Variants in DIRAS3 observed in about 807,000 individuals in gnomAD.
DIRAS3 encodes GTP-binding protein Di-Ras3.
For missense variants in DIRAS3, 248 were observed against 300.6 expected (o/e 0.83, Z 1.29); for synonymous variants, 133 against 131.4 (o/e 1.01, Z -0.08).
chr1:68,046,796 T>C lies in DIRAS3; in HGVS notation c.502A>G (p.Thr168Ala). ...GCGCAATTCCACTCCATCGCACAGG[T>C]GGCACCATCATTCAGGGCCACCTCC... ...HREVALNDGATCAMEWNCAFM... is the reference protein window; with the variant it reads ...HREVALNDGAACAMEWNCAFM... The change falls in exon 2 of 2, where the codon ACC becomes GCC. Residue 168 changes from threonine to alanine, a missense_variant. By Grantham distance (58) the Thr-to-Ala change is moderately conservative. Coordinates refer to ENST00000646789, the MANE Select transcript of DIRAS3 (RefSeq NM_004675.5). The C allele has an allele frequency of 1.2e-6, 2 of 1,614,172 alleles. No individual in the cohort carries two copies. The highest frequency in any genetic ancestry group is 8.5e-7 in the Non-Finnish European group (1 of 1,180,028).
intron 1 of DIRAS3, among the ~76,000 whole-genome samples, chr1:68,048,019 TAAAAAAAAAAAAAAA>T (rs869307311): frequency 1.8e-4 from 2 of 10,934 alleles, no homozygotes; most frequent in South Asian, 9.4e-3. Flanking sequence ...GACAGTGGAG[TAAAAAAAAAAAAAAA>T]AAAAAAAAAA....
Position 68,047,202 on chromosome 1 carries a change from G to A in DIRAS3, c.96C>T (p.His32=), listed in dbSNP as rs748418990. ...ALLILRAFKP[H]RKIRDYRVVV... ...CGACGCGGTAATCTCTGATCTTCCT[G>A]TGGGGCTTGAAGGCGCGGAGGATAA... Residue 32 remains histidine (H), a synonymous_variant, in exon 2 of 2, where the codon CAC becomes CAT. Transcript: ENST00000646789. 6.8e-6 allele frequency: 11 copies of A among 1,614,048 alleles called. No homozygotes were observed. In the South Asian group the frequency reaches 1.2e-4, roughly 18 times the overall value.
At chr1:68,049,822 A>G (rs1645714492) in intron 1 of DIRAS3, 1 of 152,198 alleles carries the variant, frequency 6.6e-6, no homozygotes, top group Admixed American at 6.5e-5. Flanking sequence ...TAAGCACAGG[A>G]GTTCAAGACT....
At position 68,047,409 on chromosome 1, in the gene DIRAS3, T is replaced by C. The variant is rs1645684950; in HGVS notation, c.-65-47A>G. The stretch of plus-strand genomic sequence containing the variant: ...GAGAGATGGTAGTGGTAACCTACAA[T>C]GTTGTCAGATCATGTCAGCCTGGCC... On this transcript the variant is annotated intron_variant, in intron 1 of 1. Transcript: ENST00000646789. The C allele has an allele frequency of 1.5e-5, 15 of 980,692 alleles. No homozygotes were observed. In the South Asian group the frequency reaches 2.5e-4, roughly 16 times the overall value. The allele number at this position is 980,692 out of a possible 1,614,324, so 60.7% of individuals were successfully genotyped here.
intron 1 of DIRAS3, among the ~76,000 whole-genome samples, chr1:68,048,036 AAAAAAAAAAAAAAATATATATATAT>A (rs1325518269): frequency 1.6e-5 from 1 of 63,864 alleles, no homozygotes; most frequent in African/African-American, 7.1e-5. Context: ...AAAAAAAAAA[AAAAAAAAAAAAAAATATATATATAT>A]ATATATATAT....
rs776535342 is a variant in DIRAS3 at position 68,047,075 on chromosome 1, A to G, written c.223T>C (p.Cys75Arg). 1 of 1,614,180 alleles carries G rather than the reference A, an allele frequency of 6.2e-7. No individual in the cohort carries two copies. Among genetic ancestry groups the G allele is most frequent in the Non-Finnish European group, 8.5e-7 (1 of 1,180,032 alleles). ...CCGTGGCTGCAGCCCAGCAACTGGC[A>G]GTAGGTATTTTCAATGGTCGGCAGG... is the stretch of plus-strand genomic sequence containing the variant. Reference protein sequence around the residue: ...EYLPTIENTYCQLLGCSHGVL... With the variant: ...EYLPTIENTYRQLLGCSHGVL... The change falls in exon 2 of 2, where the codon TGC becomes CGC. Residue 75 changes from cysteine (C) to arginine (R), a missense_variant. Physicochemically the swap from Cys to Arg is radical, Grantham distance 180. Transcript: ENST00000646789.
Position 68,047,082 on chromosome 1 carries a change from A to G in DIRAS3, c.216T>C (p.Asn72=). ...FRHEYLPTIE[N]TYCQLLGCSH... is the part of the protein sequence containing the mutation. ...TGCAGCCCAGCAACTGGCAGTAGGT[A>G]TTTTCAATGGTCGGCAGGTACTCAT... Residue 72 remains asparagine (N), a synonymous_variant, in exon 2 of 2, where the codon AAT becomes AAC. Coordinates refer to ENST00000646789, the MANE Select transcript of DIRAS3 (RefSeq NM_004675.5). 6.2e-7 allele frequency: 1 copy of G among 1,614,076 alleles called. No individual in the cohort carries two copies. Among genetic ancestry groups the G allele is most frequent in the South Asian group, 1.1e-5 (1 of 91,082 alleles).
intron 1 of DIRAS3, among the ~76,000 whole-genome samples, chr1:68,048,685 A>G (rs1645702785): frequency 6.6e-6 from 1 of 151,762 alleles, no homozygotes; most frequent in Non-Finnish European, 1.5e-5. Flanking sequence ...TAGAATGTGC[A>G]AGTCCCATGA....
Position 68,047,354 on chromosome 1 carries a change from A to T in DIRAS3, c.-57T>A. On this transcript the variant is annotated 5_prime_UTR_variant, in exon 2 of 2. Transcript: ENST00000646789. ...AGTTCTCCCACACTTAGCTGGCAGC[A>T]GGAGACCCCTAGGAAGAAAGTGAGA... The T allele has an allele frequency of 6.6e-7, 1 of 1,511,558 alleles. No individual in the cohort carries two copies. 93.6% of individuals were successfully genotyped at this position (1,511,558 alleles called of 1,614,324 possible). A position where few individuals can be genotyped will look rare whatever the true frequency, so the allele number is the denominator to read the frequency against.
At chr1:68,047,458 G>T in intron 1 of DIRAS3, 96 bp from the exon 2 acceptor site, 1 of 657,786 alleles carries the variant, frequency 1.5e-6, no homozygotes, top group East Asian at 2.7e-5. Flanking sequence ...GGACTCTGAA[G>T]AGAGTCCACC....
chr1:68,046,586 G>T lies in DIRAS3; in HGVS notation c.*22C>A, dbSNP rs533285738. On this transcript the variant is annotated 3_prime_UTR_variant, in exon 2 of 2. Coordinates refer to ENST00000646789, the MANE Select transcript of DIRAS3 (RefSeq NM_004675.5). The stretch of plus-strand genomic sequence containing the variant: ...TTCTACACGCTACAGGATAGGAAGA[G>T]CTGGCTCTTAAGGCCCAGGGCTCAC... 5 of 1,606,088 alleles carry T rather than the reference G, an allele frequency of 3.1e-6. No individual in the cohort carries two copies. In the South Asian group the frequency reaches 5.5e-5, roughly 18 times the overall value.
rs1335721908 is a variant in DIRAS3 at position 68,046,853 on chromosome 1, G to A, written c.445C>T (p.Leu149=). Residue 149 remains leucine (L), a synonymous_variant, in exon 2 of 2, where the codon CTG becomes TTG. Coordinates refer to ENST00000646789, the MANE Select transcript of DIRAS3 (RefSeq NM_004675.5). ...GNNLHKFPIV[L]VGNKSDDTHR... ...GTGTCATCACTTTTATTGCCCACCA[G>A]CACGATGGGGAACTTATGCAGGTTG... 6.2e-7 allele frequency: 1 copy of A among 1,614,062 alleles called. No homozygotes were observed. Among genetic ancestry groups the A allele is most frequent in the African/African-American group, 1.3e-5 (1 of 74,926 alleles).
chr1:68,050,120 T>G lies in DIRAS3; in HGVS notation c.-66+428A>C, dbSNP rs1645719128. ...GCTGCTGTTGCGGCACCAGCCTGGC[T>G]CATGGACATCACCACGCACCTGCAA... On this transcript the variant is annotated intron_variant, in intron 1 of 1. Coordinates refer to ENST00000646789, the MANE Select transcript of DIRAS3 (RefSeq NM_004675.5). This position sits in a 1 kb window ranked among gnomAD's most constrained non-coding sequence, Gnocchi z 4.5. Among the ~76,000 whole-genome samples the G allele has an allele frequency of 6.6e-6, 1 of 152,182 alleles. No homozygotes were observed. Among genetic ancestry groups the G allele is most frequent in the Non-Finnish European group, 1.5e-5 (1 of 68,036 alleles).
chr1:68,046,992 C>T lies in DIRAS3; in HGVS notation c.306G>A (p.Gln102=), dbSNP rs772939934. 47 of 1,614,196 alleles carry T rather than the reference C, an allele frequency of 2.9e-5. No homozygotes were observed. Among genetic ancestry groups the T allele is most frequent in the Middle Eastern group, 3.3e-4 (2 of 6,062 alleles). Residue 102 remains glutamine, a synonymous_variant, in exon 2 of 2, where the codon CAG becomes CAA. Transcript: ENST00000646789. ...CGTGGCCCCGGGCTATAACGTGGCG[C>T]TGCAGAGCGCGGTTGCCGTCGCCAC... ...SKSGDGNRAL[Q]RHVIARGHAF... is the part of the protein sequence containing the mutation.
At chr1:68,049,857 C>A (rs557942681) in intron 1 of DIRAS3, 4 of 152,110 alleles carry the variant, frequency 2.6e-5, no homozygotes, top group African/African-American at 9.6e-5. Context: ...AGGGAGACCG[C>A]CGTCTCTATC....
intron 1 of DIRAS3, among the ~76,000 whole-genome samples, chr1:68,048,144 T>C (rs1452867872): frequency 2.1e-5 from 3 of 142,698 alleles, no homozygotes; most frequent in African/African-American, 7.8e-5. Flanking sequence ...TGAATGAGTT[T>C]TTCTACAGAA....
rs762454426 is a variant in DIRAS3 at position 68,047,116 on chromosome 1, T to C, written c.182A>G (p.Asn61Ser). The C allele has an allele frequency of 6.2e-7, 1 of 1,614,188 alleles. No individual in the cohort carries two copies. The highest frequency in any genetic ancestry group is 8.5e-7 in the Non-Finnish European group (1 of 1,180,028). The change falls in exon 2 of 2, where the codon AAC becomes AGC. Residue 61 changes from asparagine (N) to serine (S), a missense_variant. Transcript: ENST00000646789. ...STLLHKWASG[N>S]FRHEYLPTIE... ...GGTCGGCAGGTACTCATGACGGAAG[T>C]TGCCGCTCGCCCACTTGTGCAGCAG... is the stretch of plus-strand genomic sequence containing the variant.
Position 68,046,152 on chromosome 1 carries a change from C to T in DIRAS3, c.*456G>A, listed in dbSNP as rs576807514. ...TCATTTTTTTATTTAGTATATGTCA[C>T]GCAGCAATTTATCAAAAGCTTTTGT... On this transcript the variant is annotated 3_prime_UTR_variant, in exon 2 of 2. Coordinates refer to ENST00000646789, the MANE Select transcript of DIRAS3 (RefSeq NM_004675.5). The T allele has an allele frequency of 3.4e-4, 53 of 156,552 alleles. No homozygotes were observed. Among genetic ancestry groups the T allele is most frequent in the Admixed American group, 1.4e-3 (22 of 16,218 alleles). The allele number at this position is 156,552 out of a possible 1,614,324, so 9.7% of individuals were successfully genotyped here. A position where few individuals can be genotyped will look rare whatever the true frequency, so the allele number is the denominator to read the frequency against.
At chr1:68,047,655 A>G (rs1268799229) in intron 1 of DIRAS3, among the ~76,000 whole-genome samples, 1 of 151,974 alleles carries the variant, frequency 6.6e-6, no homozygotes, top group Non-Finnish European at 1.5e-5. Context: ...AATTCTCACT[A>G]CACCCCTACA....
Sources: gnomAD v4.1 joint callset for allele counts (sites outside exome capture counted in the v4.1 genomes callset) on GRCh38, gnomAD v4.1.1 for gene constraint, Gnocchi (gnomAD v3.1) non-coding constraint, MANE v1.5 for transcripts, NCBI Gene and HGNC (gene_info 2026-07-23, HGNC 2026-07-21) for gene names.